UPB1: variants seen among roughly 807,000 people sequenced by gnomAD.
The protein encoded by UPB1 is beta-ureidopropionase.
In UPB1, 40 loss-of-function variants were observed where a neutral mutation model predicts 49.1. The observed-to-expected ratio is 0.81, with a 90% CI of 0.63 to 1.06. The LOEUF is 1.06. Among genes scored for constraint, UPB1 ranks in the 50% least tolerant of loss-of-function variants. The pLI, the probability that UPB1 is intolerant of heterozygous loss-of-function variation, is 0.00. For missense variants in UPB1, 499 were observed against 505.9 expected (o/e 0.99, Z 0.13); for synonymous variants, 207 against 198.2 (o/e 1.04, Z -0.38).
At position 24,495,640 on chromosome 22, in the gene UPB1, G is replaced by T. The variant is rs568432651; in HGVS notation, c.104+133G>T. 578 of 942,590 alleles carry T rather than the reference G, an allele frequency of 6.1e-4. 11 individuals carry two copies. The South Asian group carries it at 7.7e-3, about 13-fold the overall frequency. The allele number at this position is 942,590 out of a possible 1,614,324, so 58.4% of individuals were successfully genotyped here. The stretch of plus-strand genomic sequence containing the variant: ...GAGAAGTCCTGAGTTGGCGGGCAGA[G>T]ACCATAGTAGGTCTTGATGGGACGG... On this transcript the variant is annotated intron_variant, in intron 1 of 9. Transcript: ENST00000326010.
chr22:24,508,661 T>G (rs892009377), intron 3 of UPB1, among the ~76,000 whole-genome samples: 1 of 152,228 alleles, frequency 6.6e-6, no homozygotes, highest in East Asian at 1.9e-4. Context: ...CTGGATCACC[T>G]GAGGTCAGGA....
chr22:24,523,430 T>G (rs2044430600), intron 8 of UPB1, among the ~76,000 whole-genome samples, 189 bp from the exon 9 acceptor site: 1 of 152,188 alleles, frequency 6.6e-6, no homozygotes, highest in Admixed American at 6.5e-5. Flanking sequence ...AAGGGGGCCA[T>G]TTGCAGCAAT....
At chr22:24,520,234 C>G (rs2044363709) in intron 6 of UPB1, 153 bp from the exon 7 acceptor site, 3 of 836,910 alleles carry the variant, frequency 3.6e-6, no homozygotes. Flanking sequence ...CTGGTTGTCC[C>G]CACCACTGGC....
chr22:24,508,063 C>A (rs192479292), intron 3 of UPB1, among the ~76,000 whole-genome samples: 1 of 152,268 alleles, frequency 6.6e-6, no homozygotes, highest in Non-Finnish European at 1.5e-5. Context: ...TACCAGGCAC[C>A]ATGCTTCACA....
intron 1 of UPB1, among the ~76,000 whole-genome samples, chr22:24,498,365 A>G (rs1357964081): frequency 1.3e-5 from 2 of 152,268 alleles, no homozygotes; most frequent in Middle Eastern, 3.4e-3. Flanking sequence ...GCGTCTACAC[A>G]GGGTATGGCT....
At chr22:24,509,754 A>G (rs2044163026) in intron 3 of UPB1, among the ~76,000 whole-genome samples, 1 of 152,090 alleles carries the variant, frequency 6.6e-6, no homozygotes, top group African/African-American at 2.4e-5. Context: ...CATTAACAAT[A>G]TTTACCATTT....
intron 2 of UPB1, 51 bp from the exon 3 acceptor site, chr22:24,502,075 A>AT (rs2044002746): frequency 6.3e-7 from 1 of 1,595,156 alleles, no homozygotes; most frequent in Non-Finnish European, 8.6e-7. Flanking sequence ...GATCCTAAAA[A>AT]TTGCCTTACC....
chr22:24,521,800 C>G (rs2044398149), intron 7 of UPB1, among the ~76,000 whole-genome samples, 186 bp from the exon 8 acceptor site: 1 of 152,212 alleles, frequency 6.6e-6, no homozygotes, highest in African/African-American at 2.4e-5. Context: ...GGGCTGGCTG[C>G]TCAGCAGGAG....
chr22:24,515,543 ATCC>A (rs2044280393), intron 6 of UPB1, among the ~76,000 whole-genome samples, 173 bp downstream of exon 6: 1 of 152,244 alleles, frequency 6.6e-6, no homozygotes, highest in Non-Finnish European at 1.5e-5. Flanking sequence ...AGTGAAAAGA[ATCC>A]TCAAGATGGC....
In UPB1 at chr22:24,510,770, C is replaced by G. The variant is rs145368798; in HGVS notation, c.386C>G (p.Thr129Arg). 5.0e-6 allele frequency: 8 copies of G among 1,614,114 alleles called. No individual in the cohort carries two copies. The highest frequency in any genetic ancestry group is 1.3e-5 in the African/African-American group (1 of 75,034). ...ATAGCTATGCCCTTTGCCTTCTGTA[C>G]GAGAGAGAAGCTTCCTTGGACAGAA... is the stretch of plus-strand genomic sequence containing the variant. ...EAWTMPFAFC[T>R]REKLPWTEFA... is the part of the protein sequence containing the mutation. Residue 129 changes from threonine (T) to arginine (R), a missense_variant, in exon 4 of 10, where the codon ACG (threonine) becomes AGG (arginine). Physicochemically the swap from Thr to Arg is moderately conservative, Grantham distance 71. Coordinates refer to ENST00000326010, the MANE Select transcript of UPB1 (RefSeq NM_016327.3).
intron 4 of UPB1, 151 bp from the exon 5 acceptor site, chr22:24,513,173 A>G: frequency 1.9e-6 from 2 of 1,078,502 alleles, no homozygotes; most frequent in East Asian, 2.6e-5. Context: ...TTAGCAAAGC[A>G]TGGACATCAG....
At position 24,498,117 on chromosome 22, in the gene UPB1, T is replaced by G. The variant is rs537500549; in HGVS notation, c.105-1990T>G. On this transcript the variant is annotated intron_variant, in intron 1 of 9. Transcript: ENST00000326010. The stretch of plus-strand genomic sequence containing the variant: ...GTCTGTTGAGGGCCCACTTTCTGGT[T>G]TTTGATGGTGCCTTCTCACTGTGTT... 1.3e-5 allele frequency among the ~76,000 whole-genome samples: 2 copies of G among 152,286 alleles called. 1 individual carries two copies. The highest frequency in any genetic ancestry group is 4.1e-4 in the South Asian group (2 of 4,826).
chr22:24,514,128 A>C (rs2044253317), intron 5 of UPB1, among the ~76,000 whole-genome samples: 1 of 152,136 alleles, frequency 6.6e-6, no homozygotes. Flanking sequence ...CTAATGCCTA[A>C]GATGTTAAAT....
intron 1 of UPB1, 39 bp downstream of exon 1, chr22:24,495,546 C>A (rs780580684): frequency 6.2e-7 from 1 of 1,605,826 alleles, no homozygotes; most frequent in South Asian, 1.1e-5. Context: ...GGTCTTGGGG[C>A]CACAGAGTGT....
At chr22:24,507,697 A>G (rs2044115790) in intron 3 of UPB1, among the ~76,000 whole-genome samples, 1 of 152,210 alleles carries the variant, frequency 6.6e-6, no homozygotes, top group African/African-American at 2.4e-5. Flanking sequence ...AAGCTTTGAT[A>G]TGCAAATGTC....
intron 6 of UPB1, among the ~76,000 whole-genome samples, chr22:24,516,995 A>T (rs931368248): frequency 9.2e-5 from 14 of 152,348 alleles, no homozygotes; most frequent in African/African-American, 3.1e-4. Flanking sequence ...AAGTGCTGGG[A>T]TTACAAGCGT....
chr22:24,509,392 A>AAAAAAAAAAAAAAC (rs2044154152), intron 3 of UPB1, among the ~76,000 whole-genome samples: 1 of 120,330 alleles, frequency 8.3e-6, no homozygotes, highest in Non-Finnish European at 1.8e-5. Flanking sequence ...AAAAAAAAAA[A>AAAAAAAAAAAAAAC]AAAAGCAAAA....
In UPB1 at chr22:24,502,152, G is replaced by C. The variant is rs779859166; in HGVS notation, c.303G>C (p.Lys101Asn). ...EQVSALHRRIKAIVEVAAMCG... is the reference protein window; with the variant it reads ...EQVSALHRRINAIVEVAAMCG... ...TCTCTGCCCTTCATAGACGCATAAA[G>C]GCTATCGTAGAGGTGGCTGCAATGT... Residue 101 changes from lysine (K) to asparagine (N), a missense_variant, in exon 3 of 10, where the codon AAG (lysine) becomes AAC (asparagine). By Grantham distance (94) the Lys-to-Asn change is moderately conservative (BLOSUM62 0). Transcript: ENST00000326010. 10 of 1,614,186 alleles carry C rather than the reference G, an allele frequency of 6.2e-6. No homozygotes were observed. In the East Asian group the frequency reaches 1.3e-4, roughly 22 times the overall value.
At chr22:24,509,395 A>AAAAAAAAAAAAC (rs2044154716) in intron 3 of UPB1, among the ~76,000 whole-genome samples, 1 of 130,472 alleles carries the variant, frequency 7.7e-6, no homozygotes, top group Non-Finnish European at 1.6e-5. Flanking sequence ...AAAAAAAAAA[A>AAAAAAAAAAAAC]AGCAAAAACC....
Sources: allele counts gnomAD v4.1 joint callset (sites outside exome capture counted in the v4.1 genomes callset), GRCh38; gene constraint gnomAD v4.1.1; transcripts MANE v1.5; gene names NCBI Gene and HGNC (gene_info 2026-07-23, HGNC 2026-07-21).